Variants in BCL2L11 observed in about 807,000 individuals in gnomAD.
The protein encoded by BCL2L11 is bcl-2-like protein 11.
In BCL2L11, 15 loss-of-function variants were observed where a neutral mutation model predicts 20.6. The ratio of observed to expected loss-of-function variants is 0.73; its 90% CI spans 0.49 to 1.12. The LOEUF (loss-of-function observed/expected upper bound fraction) is 1.12, where lower values mean the gene tolerates loss of function less well. Among genes scored for constraint, BCL2L11 ranks in the 50% most tolerant of loss-of-function variants. The pLI is 0.00. For missense variants in BCL2L11, 292 were observed against 260.9 expected (o/e 1.12, Z -0.82); for synonymous variants, 108 against 92.8 (o/e 1.16, Z -0.94).
chr2:111,138,412 T>C (rs1488608473), intron 2 of BCL2L11, among the ~76,000 whole-genome samples: 1 of 152,188 alleles, frequency 6.6e-6, no homozygotes, highest in Non-Finnish European at 1.5e-5. Context: ...TTACTAAAAC[T>C]TTTGCTCTTT....
chr2:111,123,117 C>T (rs2071552410), intron 1 of BCL2L11: 1 of 979,990 alleles, frequency 1.0e-6, no homozygotes, highest in Non-Finnish European at 1.2e-6. Flanking sequence ...CTGTCTGATT[C>T]GGTGCGGCGT....
In BCL2L11 at chr2:111,137,673, CAT is replaced by C. The variant is rs535587821; in HGVS notation, c.395-12366_395-12365del. Among the ~76,000 whole-genome samples the C allele has an allele frequency of 2.4e-3, 331 of 135,502 alleles. 3 individuals are homozygous for C. Among genetic ancestry groups the C allele is most frequent in the African/African-American group, 8.7e-3 (312 of 35,856 alleles). The allele number at this position is 135,502 out of a possible 152,430, so 88.9% of individuals were successfully genotyped here. A position where few individuals can be genotyped will look rare whatever the true frequency, so the allele number is the denominator to read the frequency against. On this transcript the variant is annotated intron_variant, in intron 2 of 3. Transcript: ENST00000393256. ...TTTTTTCAGGAAATGCTAGCAGAAA[CAT>C]ATATGCAAGGGGGTTCATCACAGCA...
At chr2:111,161,306 G>C in intron 3 of BCL2L11, 1 of 1,316,836 alleles carries the variant, frequency 7.6e-7, no homozygotes, top group Non-Finnish European at 1.1e-6. Flanking sequence ...TTCCCTGATT[G>C]TATTTATTTT....
At chr2:111,131,679 CTCTTTTCT>C (rs1167410727) in intron 2 of BCL2L11, 1 of 152,072 alleles carries the variant, frequency 6.6e-6, no homozygotes, top group Non-Finnish European at 1.5e-5. Flanking sequence ...GACCTTTCCT[CTCTTTTCT>C]TCTTATTGTT....
intron 2 of BCL2L11, among the ~76,000 whole-genome samples, chr2:111,139,387 T>C (rs2075437138): frequency 6.6e-6 from 1 of 152,218 alleles, no homozygotes; most frequent in Non-Finnish European, 1.5e-5. Context: ...ACATGAGACA[T>C]AGACTCAAGT....
chr2:111,137,483 C>G (rs1268493921), intron 2 of BCL2L11, among the ~76,000 whole-genome samples: 1 of 152,196 alleles, frequency 6.6e-6, no homozygotes, highest in African/African-American at 2.4e-5. Flanking sequence ...GGCATCTGAC[C>G]TCAGACTGCT....
intron 2 of BCL2L11, chr2:111,130,211 T>C: frequency 3.1e-6 from 1 of 319,032 alleles, no homozygotes; most frequent in Non-Finnish European, 6.2e-6. Context: ...TTCAAGCGGT[T>C]CTCCTGCCTC....
chr2:111,146,541 G>A (rs73954959), intron 2 of BCL2L11, among the ~76,000 whole-genome samples: 18 of 152,254 alleles, frequency 1.2e-4, no homozygotes, highest in Middle Eastern at 3.4e-3. Context: ...AGACCATACC[G>A]GTGGATCCCT....
rs565720335 is a variant in BCL2L11 at position 111,143,189 on chromosome 2, C to T, written c.395-6855C>T. Among the ~76,000 whole-genome samples the T allele has an allele frequency of 2.6e-4, 39 of 152,196 alleles. No individual in the cohort carries two copies. In the South Asian group the frequency reaches 6.9e-3, roughly 27 times the overall value. On this transcript the variant is annotated intron_variant, in intron 2 of 3. Transcript: ENST00000393256. ...GCTATAGAAATGGAGCTGTGGCTGT[C>T]GCAGAGACTTACTAGGATGAAGGTT...
At chr2:111,158,483 C>T (rs1251890074) in intron 3 of BCL2L11, among the ~76,000 whole-genome samples, 1 of 152,032 alleles carries the variant, frequency 6.6e-6, no homozygotes, top group South Asian at 2.1e-4. Context: ...AGCAGAGATT[C>T]CCTCTGTCCT....
chr2:111,135,750 A>G (rs2074762532), intron 2 of BCL2L11, among the ~76,000 whole-genome samples: 1 of 152,174 alleles, frequency 6.6e-6, no homozygotes, highest in South Asian at 2.1e-4. Context: ...TGTCTGGTTC[A>G]GTGGGTGTGT....
chr2:111,127,952 A>G (rs1172513961), intron 2 of BCL2L11, among the ~76,000 whole-genome samples: 1 of 152,198 alleles, frequency 6.6e-6, no homozygotes, highest in Non-Finnish European at 1.5e-5. Context: ...GCAGTTAAAC[A>G]CAAAGCGTAA....
intron 3 of BCL2L11, among the ~76,000 whole-genome samples, chr2:111,152,224 G>A (rs2077341677): frequency 6.6e-6 from 1 of 152,200 alleles, no homozygotes; most frequent in Non-Finnish European, 1.5e-5. Context: ...CATCCCCTGG[G>A]CCTGTCTCCT....
chr2:111,128,848 T>G, intron 2 of BCL2L11: 1 of 1,420,366 alleles, frequency 7.0e-7, no homozygotes, highest in South Asian at 1.5e-5. Context: ...AATATTGACT[T>G]TCTCTGTTTC....
chr2:111,128,805 T>C (rs1348476291), intron 2 of BCL2L11: 2 of 1,508,556 alleles, frequency 1.3e-6, no homozygotes, highest in Non-Finnish European at 1.8e-6. Context: ...CATTTTGTCA[T>C]ATGGTCATTG....
chr2:111,161,930 C>T (rs1023024942), intron 3 of BCL2L11, among the ~76,000 whole-genome samples: 6 of 152,196 alleles, frequency 3.9e-5, no homozygotes, highest in South Asian at 2.1e-4. Context: ...AAGCTGTTGG[C>T]GCTTTGAGCA....
intron 2 of BCL2L11, among the ~76,000 whole-genome samples, chr2:111,131,058 G>A (rs758667106): frequency 6.6e-6 from 1 of 152,050 alleles, no homozygotes; most frequent in African/African-American, 2.4e-5. Flanking sequence ...GGGGTCTGTC[G>A]TCTTCTTTTA....
intron 3 of BCL2L11, among the ~76,000 whole-genome samples, chr2:111,153,467 G>A (rs2150528223): frequency 6.6e-6 from 1 of 152,244 alleles, no homozygotes; most frequent in Admixed American, 6.5e-5. Flanking sequence ...ATACTTGTTA[G>A]ATTAAAAACA....
chr2:111,122,712 C>T (rs2071384754), intron 1 of BCL2L11: 6 of 982,000 alleles, frequency 6.1e-6, no homozygotes, highest in Non-Finnish European at 7.3e-6. Context: ...GTGCGGAGCC[C>T]TCGGCTGCCC....
Sources: allele counts gnomAD v4.1 joint callset (sites outside exome capture counted in the v4.1 genomes callset), GRCh38; gene constraint gnomAD v4.1.1; transcripts MANE v1.5; gene names NCBI Gene and HGNC (gene_info 2026-07-23, HGNC 2026-07-21).